Variants in ALMS1 observed in about 807,000 individuals in gnomAD.
ALMS1 encodes ALMS1 centrosome and basal body associated protein.
ALMS1 carries 271 observed loss-of-function variants against 352.2 expected under a neutral mutation model. The observed-to-expected ratio is 0.77, with a 90% confidence interval of 0.70 to 0.85. The LOEUF is 0.85. Ranked by LOEUF, ALMS1 falls within the 40% of genes least tolerant of loss-of-function variation. The pLI, the probability that ALMS1 is intolerant of heterozygous loss-of-function variation, is 0.00. For synonymous variants in ALMS1, 1,865 were observed against 1,761.2 expected, an observed-to-expected ratio of 1.06 and a Z score of -1.48; for missense variants, 5,445 against 4,870.7, an observed-to-expected ratio of 1.12 and a Z score of -3.51.
chr2:73,493,195 A>C (rs1343327327), intron 10 of ALMS1, among the ~76,000 whole-genome samples: 1 of 152,000 alleles, frequency 6.6e-6, no homozygotes, highest in African/African-American at 2.4e-5. Context: ...TAGTGTAATA[A>C]TCAGAAATAG....
At chr2:73,485,021 T>C (rs1672797206) in intron 9 of ALMS1, among the ~76,000 whole-genome samples, 1 of 152,212 alleles carries the variant, frequency 6.6e-6, no homozygotes, top group African/African-American at 2.4e-5. Flanking sequence ...TTGGTTTGAA[T>C]GTCCTCCCGT....
chr2:73,417,317 T>C (rs1671198770), intron 2 of ALMS1, among the ~76,000 whole-genome samples: 1 of 152,198 alleles, frequency 6.6e-6, no homozygotes, highest in South Asian at 2.1e-4. Context: ...GAGAAAGTTA[T>C]GTTAGTACCA....
chr2:73,602,368 G>C lies in ALMS1; in HGVS notation c.12298G>C (p.Val4100Leu). The change falls in exon 20 of 23, where the codon GTC becomes CTC. Residue 4100 changes from valine to leucine, a missense_variant and splice_region_variant. Transcript: ENST00000613296. ...TCGCATGTGCCCGCTGCCCAAGAGA[G>C]GTACGCCCTGCCCGTTCACTTTCCT... Reference protein sequence around the residue: ...QNRMCPLPKRVFLAIQKNKPI... With the variant: ...QNRMCPLPKRLFLAIQKNKPI... The C allele has an allele frequency of 6.2e-7, 1 of 1,614,104 alleles. No homozygotes were observed. Among genetic ancestry groups the C allele is most frequent in the Non-Finnish European group, 8.5e-7 (1 of 1,179,992 alleles).
Position 73,602,259 on chromosome 2 carries a change from C to T in ALMS1, c.12189C>T (p.Val4063=). 6.2e-7 allele frequency: 1 copy of T among 1,614,116 alleles called. No homozygotes were observed. Among genetic ancestry groups the T allele is most frequent in the South Asian group, 1.1e-5 (1 of 91,078 alleles). ...GGATAAAGCGCCTGAAGTTAATAGT[C>T]CAGGAGAGGAAGCTGCAGAGCATGT... ...GERIKRLKLI[V]QERKLQSMLQ... is the part of the protein sequence containing the mutation. The change falls in exon 20 of 23, where the codon GTC becomes GTT. Residue 4063 remains valine, a synonymous_variant. Coordinates refer to ENST00000613296, the MANE Select transcript of ALMS1 (RefSeq NM_001378454.1).
intron 18 of ALMS1, 67 bp from the exon 19 acceptor site, chr2:73,601,128 A>T: frequency 1.2e-6 from 2 of 1,609,818 alleles, no homozygotes; most frequent in Non-Finnish European, 1.7e-6. Flanking sequence ...CATATCCTGG[A>T]TAAGAGCTGG....
chr2:73,466,600 CCTG>C (rs1466142067), intron 9 of ALMS1, among the ~76,000 whole-genome samples: 3 of 151,748 alleles, frequency 2.0e-5, no homozygotes, highest in Non-Finnish European at 4.4e-5. Context: ...ATGTAACAAA[CCTG>C]CACATTGTGC....
intron 2 of ALMS1, among the ~76,000 whole-genome samples, chr2:73,414,487 T>G (rs201242978): frequency 0.065 from 3,781 of 57,786 alleles, 121 homozygotes; most frequent in Admixed American, 0.18. Flanking sequence ...TTTTTTTTTT[T>G]TGTTTTTTTT....
chr2:73,396,111 G>GT (rs1211362919), intron 1 of ALMS1, among the ~76,000 whole-genome samples: 1 of 152,072 alleles, frequency 6.6e-6, no homozygotes, highest in Non-Finnish European at 1.5e-5. Flanking sequence ...TTAGTTGTGG[G>GT]TTTTTAATAG....
chr2:73,417,243 A>G (rs1436893555), intron 2 of ALMS1, among the ~76,000 whole-genome samples: 1 of 152,240 alleles, frequency 6.6e-6, no homozygotes, highest in East Asian at 1.9e-4. Flanking sequence ...TCTCAATGAA[A>G]TAGACTTTCT....
rs761486372 is a variant in ALMS1, at chr2:73,451,794, C to G, written c.5267C>G (p.Ser1756Cys). Residue 1756 changes from serine to cysteine, a missense_variant, in exon 8 of 23, where the codon TCC (serine) becomes TGC (cysteine). Coordinates refer to ENST00000613296, the MANE Select transcript of ALMS1 (RefSeq NM_001378454.1). ...AAGACTGGGTTATCTACTGTAACTT[C>G]CTCTTTCTATTCACATACAGAGAAG... ...DQKTGLSTVT[S>C]SFYSHTEKPN... 15 of 1,614,154 alleles carry G rather than the reference C, an allele frequency of 9.3e-6. No homozygotes were observed. In the Admixed American group the frequency reaches 1.5e-4, roughly 16 times the overall value.
chr2:73,418,254 G>A (rs1323248912), intron 2 of ALMS1, among the ~76,000 whole-genome samples: 5 of 152,168 alleles, frequency 3.3e-5, no homozygotes, highest in Admixed American at 6.5e-5. Flanking sequence ...TCTGGATCTT[G>A]CCACTAATTT....
At chr2:73,386,564 A>G (rs1011515776) in intron 1 of ALMS1, among the ~76,000 whole-genome samples, 18 of 152,044 alleles carry the variant, frequency 1.2e-4, no homozygotes, top group African/African-American at 4.3e-4. Context: ...CTTGTTGGGG[A>G]GACAGTGAAC....
At chr2:73,408,871 T>TG (rs1259009830) in intron 2 of ALMS1, 124 bp downstream of exon 2, 2 of 853,522 alleles carry the variant, frequency 2.3e-6, no homozygotes, top group East Asian at 7.1e-5. Flanking sequence ...TGTCTTTTTT[T>TG]TTTTTTTTTT....
intron 15 of ALMS1, among the ~76,000 whole-genome samples, chr2:73,562,349 G>T: frequency 6.6e-6 from 1 of 152,000 alleles, no homozygotes; most frequent in Non-Finnish European, 1.5e-5. Flanking sequence ...TAATTTAAAA[G>T]GACGTACCAA....
Position 73,419,246 on chromosome 2 carries a change from G to A in ALMS1, c.574G>A (p.Glu192Lys). ...TEVTDFPSLE[E>K]GILTQSENQV... ...AGTGACAGACTTCCCCTCTCTGGAG[G>A]AGGGCATATTGACGCAATCAGAAAA... The change falls in exon 3 of 23, where the codon GAG becomes AAG. Residue 192 changes from glutamate to lysine, a missense_variant. Physicochemically the swap from Glu to Lys is moderately conservative, Grantham distance 56. Coordinates refer to ENST00000613296, the MANE Select transcript of ALMS1 (RefSeq NM_001378454.1). 2.5e-6 allele frequency: 4 copies of A among 1,614,040 alleles called. No homozygotes were observed. In the South Asian group the frequency reaches 3.3e-5, roughly 13 times the overall value.
intron 10 of ALMS1, among the ~76,000 whole-genome samples, chr2:73,506,546 G>A (rs142209924): frequency 0.039 from 5,949 of 152,166 alleles, 175 homozygotes; most frequent in Non-Finnish European, 0.059. Flanking sequence ...TCTCTTTGTA[G>A]CAATTGTGAA....
Position 73,424,393 on chromosome 2 carries a change from GTTAT to G in ALMS1, c.765-22_765-19del, listed in dbSNP as rs532044714. ...TACTTAAAAATTAAATGTTTTTAAT[GTTAT>G]TTATTTATTTATTTTTAACTATATA... On this transcript the variant is annotated intron_variant, in intron 4 of 22. Transcript: ENST00000613296. 1.1e-4 allele frequency: 147 copies of G among 1,289,454 alleles called. 1 individual carries two copies. In the East Asian group the frequency reaches 2.9e-3, roughly 25 times the overall value. 79.9% of individuals were successfully genotyped at this position (1,289,454 alleles called of 1,614,324 possible).
intron 11 of ALMS1, among the ~76,000 whole-genome samples, chr2:73,521,130 A>G (rs1454696091): frequency 6.6e-6 from 1 of 152,170 alleles, no homozygotes; most frequent in African/African-American, 2.4e-5. Flanking sequence ...TTCTTGTGAA[A>G]TTAAAGCATA....
At chr2:73,543,648 A>G (rs1484592319) in intron 12 of ALMS1, among the ~76,000 whole-genome samples, 1 of 152,222 alleles carries the variant, frequency 6.6e-6, no homozygotes, top group Non-Finnish European at 1.5e-5. Context: ...AGAATCTACA[A>G]TGAACTCCAA....
Sources: gnomAD v4.1 joint callset for allele counts (sites outside exome capture counted in the v4.1 genomes callset) on GRCh38, gnomAD v4.1.1 for gene constraint, MANE v1.5 for transcripts, NCBI Gene and HGNC (gene_info 2026-07-23, HGNC 2026-07-21) for gene names.